Variants in IZUMO1R observed in about 807,000 individuals in gnomAD.
IZUMO1R encodes the protein IZUMO1 receptor, JUNO.
A neutral mutation model predicts 22.1 loss-of-function variants in IZUMO1R; 24 were observed. The observed-to-expected ratio is 1.09, with a 90% CI of 0.79 to 1.53. The LOEUF is 1.53. Ranked by LOEUF, IZUMO1R falls within the 40% of genes most tolerant of loss-of-function variation. The probability of loss-of-function intolerance (pLI) is 0.00; values close to 1 mark genes in which losing one functional copy is unlikely to be tolerated. For missense variants in IZUMO1R, 308 were observed against 314.9 expected (o/e 0.98, Z 0.17); for synonymous variants, 133 against 121.2 (o/e 1.10, Z -0.64).
Position 94,307,189 on chromosome 11 carries a change from C to T in IZUMO1R, c.373C>T (p.Arg125Ter), listed in dbSNP as rs190330179. 46 of 1,600,536 alleles carry T rather than the reference C, an allele frequency of 2.9e-5. No individual in the cohort carries two copies. The Admixed American group carries it at 3.0e-4, about 10-fold the overall frequency. The part of the protein sequence containing the change: ...WEVAPSGQGE[R>*]VVNVPLCQED... ...GGTGGCCCCGAGTGGGCAGGGAGAG[C>T]GAGTTGTGAATGTGCCGCTGTGCCA... Residue 125 changes from arginine (R) to a stop codon, truncating the protein, a stop_gained, in exon 4 of 5, where the codon CGA becomes TGA. Coordinates refer to ENST00000687084, the MANE Select transcript of IZUMO1R (RefSeq NM_001199206.4). LOFTEE classifies it high-confidence loss of function.
At chr11:94,305,605 A>G (rs1412814077) in intron 1 of IZUMO1R, 26 bp from the exon 2 acceptor site, 2 of 1,609,838 alleles carry the variant, frequency 1.2e-6, no homozygotes, top group Non-Finnish European at 1.7e-6. Flanking sequence ...ATTTCCATCA[A>G]GTGTGCAGCA....
rs767770688 is a variant in IZUMO1R, at chr11:94,306,723, G to A, written c.348+1G>A. ...GCCAGTGGGAAGCCTGGGGTGGGAG[G>A]TAGGAAGCAGATCTGTGCCATGCCC... On this transcript the variant is annotated splice_donor_variant, in intron 3 of 4. Transcript: ENST00000687084. LOFTEE classifies it high-confidence loss of function. 3 of 1,613,704 alleles carry A rather than the reference G, an allele frequency of 1.9e-6. No individual in the cohort carries two copies. The highest frequency in any genetic ancestry group is 2.5e-6 in the Non-Finnish European group (3 of 1,179,780).
rs773911643 is a variant in IZUMO1R, at chr11:94,307,272, C to T, written c.456C>T (p.Asn152=). ...GCATGTCTTACACATGCAAATCCAACTGGCGTGGTGGCTGGGACTGGAGTC... is the reference window on the plus strand; with the variant it reads ...GCATGTCTTACACATGCAAATCCAATTGGCGTGGTGGCTGGGACTGGAGTC... ...DCRMSYTCKS[N]WRGGWDWSQG... is the part of the protein sequence containing the mutation. The change falls in exon 4 of 5, where the codon AAC becomes AAT. Residue 152 remains asparagine (N), a synonymous_variant. Coordinates refer to ENST00000687084, the MANE Select transcript of IZUMO1R (RefSeq NM_001199206.4). The T allele has an allele frequency of 3.1e-6, 5 of 1,612,528 alleles. No individual in the cohort carries two copies. Among genetic ancestry groups the T allele is most frequent in the Non-Finnish European group, 4.2e-6 (5 of 1,179,354 alleles).
In IZUMO1R at chr11:94,307,691, G is replaced by A; in HGVS notation, c.752G>A (p.Ter251=). The A allele has an allele frequency of 1.2e-6, 2 of 1,611,188 alleles. No homozygotes were observed. The highest frequency in any genetic ancestry group is 1.7e-6 in the Non-Finnish European group (2 of 1,177,712). ...TCCCTGTTCCTGCCGTTCCTTTCCT[G>A]AGAGCCCTTCTTCTCCCACTCACAT... is the stretch of plus-strand genomic sequence containing the variant. ...VCSLFLPFLS[*] is the part of the protein sequence containing the mutation. Residue 251 remains the stop codon, a stop_retained_variant, in exon 5 of 5, where the codon TGA becomes TAA. Coordinates refer to ENST00000687084, the MANE Select transcript of IZUMO1R (RefSeq NM_001199206.4).
At chr11:94,305,204 G>C (rs1158347481) in intron 1 of IZUMO1R, among the ~76,000 whole-genome samples, 4 of 152,184 alleles carry the variant, frequency 2.6e-5, no homozygotes, top group African/African-American at 7.2e-5. Flanking sequence ...TGTGTCCTAA[G>C]AGGTTGGGTG....
rs529267602 is a variant in IZUMO1R, at chr11:94,306,686, G to A, written c.312G>A (p.Gly104=). The part of the protein sequence containing the change: ...ICFYECSPNL[G]PWIQPVGSLG... ...TCTATGAGTGCTCCCCAAACCTGGG[G>A]CCCTGGATCCAGCCAGTGGGAAGCC... The change falls in exon 3 of 5, where the codon GGG becomes GGA. Residue 104 remains glycine (G), a synonymous_variant. Transcript: ENST00000687084. The A allele has an allele frequency of 6.2e-7, 1 of 1,613,988 alleles. No individual in the cohort carries two copies. The highest frequency in any genetic ancestry group is 1.1e-5 in the South Asian group (1 of 91,082).
chr11:94,306,793 A>G, intron 3 of IZUMO1R, 71 bp downstream of exon 3: 1 of 1,459,192 alleles, frequency 6.9e-7, no homozygotes, highest in Non-Finnish European at 9.5e-7. Flanking sequence ...TCTTATGCTG[A>G]TGCCGCCAGG....
In IZUMO1R at chr11:94,307,280, G is replaced by T. The variant is rs1457027179; in HGVS notation, c.464G>T (p.Gly155Val). ...MSYTCKSNWR[G>V]GWDWSQGKNR... ...TACACATGCAAATCCAACTGGCGTG[G>T]TGGCTGGGACTGGAGTCAGGGTGAG... The change falls in exon 4 of 5, where the codon GGT becomes GTT. Residue 155 changes from glycine to valine, a missense_variant. Coordinates refer to ENST00000687084, the MANE Select transcript of IZUMO1R (RefSeq NM_001199206.4). The T allele has an allele frequency of 6.2e-7, 1 of 1,612,868 alleles. No homozygotes were observed. Among genetic ancestry groups the T allele is most frequent in the South Asian group, 1.1e-5 (1 of 90,694 alleles).
rs373219675 is a variant in IZUMO1R, at chr11:94,305,714, C to A, written c.78C>A (p.Ile26=). ...GGGCTGGGGACGAGCTGCTCAACAT[C>A]TGCATGAATGCCAAACACCACAAGA... ...PTWAGDELLN[I]CMNAKHHKRV... is the part of the protein sequence containing the mutation. Residue 26 remains isoleucine (I), a synonymous_variant, in exon 2 of 5, where the codon ATC becomes ATA. Coordinates refer to ENST00000687084, the MANE Select transcript of IZUMO1R (RefSeq NM_001199206.4). The A allele has an allele frequency of 8.1e-6, 13 of 1,613,480 alleles. No individual in the cohort carries two copies. The East Asian group carries it at 1.8e-4, about 22-fold the overall frequency.
chr11:94,304,892 A>G lies in IZUMO1R; in HGVS notation c.-7+13A>G, dbSNP rs1943998767. ...TCCTGCCTTGAAAGTGAGTATGAAG[A>G]GAGTGCTGGAAGGGGCAGCATCTTT... On this transcript the variant is annotated intron_variant, in intron 1 of 4. Coordinates refer to ENST00000687084, the MANE Select transcript of IZUMO1R (RefSeq NM_001199206.4). 1.3e-5 allele frequency among the ~76,000 whole-genome samples: 2 copies of G among 152,112 alleles called. No homozygotes were observed. The highest frequency in any genetic ancestry group is 2.9e-5 in the Non-Finnish European group (2 of 68,010).
chr11:94,304,876 G>C lies in IZUMO1R; in HGVS notation c.-10G>C, dbSNP rs985370771. ...AGGAGCACCTGAAGGCTCCTGCCTT[G>C]AAAGTGAGTATGAAGAGAGTGCTGG... On this transcript the variant is annotated 5_prime_UTR_variant, in exon 1 of 5. Coordinates refer to ENST00000687084, the MANE Select transcript of IZUMO1R (RefSeq NM_001199206.4). 7.2e-5 allele frequency among the ~76,000 whole-genome samples: 11 copies of C among 152,152 alleles called. No individual in the cohort carries two copies. The highest frequency in any genetic ancestry group is 6.5e-5 in the Admixed American group (1 of 15,282).
rs1335880183 is a variant in IZUMO1R at position 94,307,171 on chromosome 11, C to G, written c.355C>G (p.Pro119Ala). The G allele has an allele frequency of 6.3e-7, 1 of 1,595,188 alleles. No homozygotes were observed. The highest frequency in any genetic ancestry group is 8.5e-7 in the Non-Finnish European group (1 of 1,170,748). ...TGGCTATGACTGCACCCAGGTGGCC[C>G]CGAGTGGGCAGGGAGAGCGAGTTGT... ...PVGSLGWEVA[P>A]SGQGERVVNV... The change falls in exon 4 of 5, where the codon CCG becomes GCG. Residue 119 changes from proline to alanine, a missense_variant. Physicochemically the swap from Pro to Ala is conservative, Grantham distance 27. Transcript: ENST00000687084.
At chr11:94,306,411 G>A in intron 2 of IZUMO1R, 102 bp from the exon 3 acceptor site, 2 of 1,093,978 alleles carry the variant, frequency 1.8e-6, no homozygotes, top group South Asian at 2.6e-5. Flanking sequence ...CACTTGCTCA[G>A]GCCTCCTAAG....
At position 94,304,710 on chromosome 11, in the gene IZUMO1R, C is replaced by T. The variant is rs534161661; in HGVS notation, c.-176C>T. ...CCTCGGAACCCACAGGCCTGCAGAG[C>T]TGGGTGAGACAGATGCTGTTTAATG... is the stretch of plus-strand genomic sequence containing the variant. On this transcript the variant is annotated 5_prime_UTR_variant, in exon 1 of 5. Transcript: ENST00000687084. Among the ~76,000 whole-genome samples the T allele has an allele frequency of 6.6e-6, 1 of 152,084 alleles. No individual in the cohort carries two copies. The highest frequency in any genetic ancestry group is 2.4e-5 in the African/African-American group (1 of 41,422).
chr11:94,306,741 C>T lies in IZUMO1R; in HGVS notation c.348+19C>T. 1.2e-6 allele frequency: 2 copies of T among 1,608,998 alleles called. No homozygotes were observed. Among genetic ancestry groups the T allele is most frequent in the Non-Finnish European group, 1.7e-6 (2 of 1,175,758 alleles). On this transcript the variant is annotated intron_variant, in intron 3 of 4. Transcript: ENST00000687084. ...GTGGGAGGTAGGAAGCAGATCTGTG[C>T]CATGCCCTGTTATTATATTAACAGC...
In IZUMO1R at chr11:94,304,800, G is replaced by C. The variant is rs1591571665; in HGVS notation, c.-86G>C. ...AGAAATCAGACTGGGTAATAAATGG[G>C]CGGGACATGGAACTCCCCTCAGCCT... is the stretch of plus-strand genomic sequence containing the variant. On this transcript the variant is annotated 5_prime_UTR_variant, in exon 1 of 5. Coordinates refer to ENST00000687084, the MANE Select transcript of IZUMO1R (RefSeq NM_001199206.4). 6.6e-6 allele frequency among the ~76,000 whole-genome samples: 1 copy of C among 152,094 alleles called. No individual in the cohort carries two copies. The highest frequency in any genetic ancestry group is 2.4e-5 in the African/African-American group (1 of 41,406).
chr11:94,307,082 C>T, intron 3 of IZUMO1R, 83 bp from the exon 4 acceptor site: 1 of 1,445,710 alleles, frequency 6.9e-7, no homozygotes, highest in Non-Finnish European at 9.4e-7. Flanking sequence ...CATATGGTAC[C>T]TGGTACAAAT....
chr11:94,306,578 A>G lies in IZUMO1R; in HGVS notation c.204A>G (p.Val68=). ...CAAGCTGGGAAGCCCATCTGGATGT[A>G]TCCCCACTCTACAACTTCAGCCTGT... ...LTTSWEAHLD[V]SPLYNFSLFH... Residue 68 remains valine, a synonymous_variant, in exon 3 of 5, where the codon GTA becomes GTG. Coordinates refer to ENST00000687084, the MANE Select transcript of IZUMO1R (RefSeq NM_001199206.4). The G allele has an allele frequency of 6.2e-7, 1 of 1,613,948 alleles. No individual in the cohort carries two copies. The highest frequency in any genetic ancestry group is 8.5e-7 in the Non-Finnish European group (1 of 1,179,872).
At position 94,307,098 on chromosome 11, in the gene IZUMO1R, T is replaced by C. The variant is rs1400872614; in HGVS notation, c.349-67T>C. Reference sequence around the variant, plus strand: ...ATATGGTACCTGGTACAAATACCACTGTAGCTATTAGTAGTCTTCACATCT... The same window carrying C: ...ATATGGTACCTGGTACAAATACCACCGTAGCTATTAGTAGTCTTCACATCT... On this transcript the variant is annotated intron_variant, in intron 3 of 4. Coordinates refer to ENST00000687084, the MANE Select transcript of IZUMO1R (RefSeq NM_001199206.4). The C allele has an allele frequency of 4.0e-6, 6 of 1,508,652 alleles. No individual in the cohort carries two copies. The Admixed American group carries it at 5.9e-5, about 15-fold the overall frequency. The allele number at this position is 1,508,652 out of a possible 1,614,324, so 93.5% of individuals were successfully genotyped here.
Sources: gnomAD v4.1 joint callset for allele counts (sites outside exome capture counted in the v4.1 genomes callset) on GRCh38, gnomAD v4.1.1 for gene constraint, MANE v1.5 for transcripts, NCBI Gene and HGNC (gene_info 2026-07-23, HGNC 2026-07-21) for gene names.